Variants in DISC1 observed in about 807,000 individuals in gnomAD.
DISC1 encodes DISC1 scaffold protein, also known as disrupted in schizophrenia 1 protein.
In DISC1, 57 loss-of-function variants were observed where a neutral mutation model predicts 84.5. The observed-to-expected ratio is 0.67, with a 90% confidence interval of 0.55 to 0.84. The LOEUF is 0.84. Ranked by LOEUF, DISC1 falls within the 40% of genes least tolerant of loss-of-function variation. The pLI is 0.00. For synonymous variants in DISC1, 411 were observed against 415.2 expected, an observed-to-expected ratio of 0.99 and a Z score of 0.12; for missense variants, 1,000 against 1,057.8, an observed-to-expected ratio of 0.95 and a Z score of 0.76.
At chr1:232,023,518 A>G (rs1226816964) in intron 11 of DISC1, among the ~76,000 whole-genome samples, 2 of 152,220 alleles carry the variant, frequency 1.3e-5, no homozygotes, top group African/African-American at 4.8e-5. Flanking sequence ...GTCTTAAGAT[A>G]TGAACAATTT....
At chr1:231,746,543 C>T (rs985669322) in intron 3 of DISC1, among the ~76,000 whole-genome samples, 1 of 152,190 alleles carries the variant, frequency 6.6e-6, no homozygotes, top group Non-Finnish European at 1.5e-5. Flanking sequence ...TCCATTGTGG[C>T]TGTACTGGTT....
intron 9 of DISC1, among the ~76,000 whole-genome samples, chr1:231,829,492 G>A (rs1318830899): frequency 6.6e-6 from 1 of 152,018 alleles, no homozygotes; most frequent in Non-Finnish European, 1.5e-5. Flanking sequence ...AGTCTTCCGA[G>A]TAGCTGGAAG....
At chr1:231,852,981 A>G (rs547634172) in intron 9 of DISC1, among the ~76,000 whole-genome samples, 1 of 152,298 alleles carries the variant, frequency 6.6e-6, no homozygotes, top group African/African-American at 2.4e-5. Context: ...TGGGCCCAAT[A>G]TTTGACCTTA....
intron 1 of DISC1, among the ~76,000 whole-genome samples, chr1:231,659,508 C>T (rs939835344): frequency 1.3e-5 from 2 of 151,832 alleles, no homozygotes; most frequent in Non-Finnish European, 2.9e-5. Flanking sequence ...CTGGTTATTT[C>T]TTGTCTTCTA....
At chr1:231,653,705 G>A (rs891179627) in intron 1 of DISC1, among the ~76,000 whole-genome samples, 2 of 152,108 alleles carry the variant, frequency 1.3e-5, no homozygotes, top group Non-Finnish European at 2.9e-5. Context: ...CCAGAGTGAG[G>A]GACCCTAAGT....
intron 9 of DISC1, among the ~76,000 whole-genome samples, chr1:231,868,730 ATATATT>A (rs1417026661): frequency 1.2e-5 from 1 of 84,180 alleles, no homozygotes; most frequent in African/African-American, 4.4e-5. Flanking sequence ...ATATATATAT[ATATATT>A]TAGCTGGGCA....
chr1:231,627,290 C>T (rs2058341660), intron 1 of DISC1, among the ~76,000 whole-genome samples: 1 of 152,160 alleles, frequency 6.6e-6, no homozygotes, highest in Non-Finnish European at 1.5e-5. Flanking sequence ...CGTCCCCGTC[C>T]TGGGACACCT....
chr1:232,030,205 T>C (rs1025478062), intron 12 of DISC1, among the ~76,000 whole-genome samples: 2 of 152,148 alleles, frequency 1.3e-5, no homozygotes, highest in African/African-American at 4.8e-5. Context: ...CTCTAGTGCA[T>C]TTTCACAGTC....
intron 1 of DISC1, among the ~76,000 whole-genome samples, chr1:231,659,550 G>C (rs1260912394): frequency 6.6e-6 from 1 of 151,994 alleles, no homozygotes; most frequent in East Asian, 1.9e-4. Flanking sequence ...TGGTTCTCTA[G>C]TTCTTTAGTT....
Position 231,694,764 on chromosome 1 carries a change from G to C in DISC1, c.1006G>C (p.Val336Leu), listed in dbSNP as rs1416947321. 1.4e-5 allele frequency: 22 copies of C among 1,613,900 alleles called. No homozygotes were observed. The highest frequency in any genetic ancestry group is 1.8e-5 in the Non-Finnish European group (21 of 1,180,058). The change falls in exon 2 of 13, where the codon GTG (valine) becomes CTG (leucine). Residue 336 changes from valine (V) to leucine (L), a missense_variant. By Grantham distance (32) the Val-to-Leu change is conservative (BLOSUM62 1). Around this residue, in one of 3 missense-constraint regions of DISC1, gnomAD observed 311 missense variants for 400.1 expected, o/e 0.78. Coordinates refer to ENST00000439617, the MANE Select transcript of DISC1 (RefSeq NM_018662.3). ...CACCCTGCTCAGGAAATGGGAGCCA[G>C]TGCTGCGGGACTGCCTGCTGAGAAA... ...WDTLLRKWEP[V>L]LRDCLLRNRR...
chr1:232,017,900 C>T (rs1668627481), intron 11 of DISC1, among the ~76,000 whole-genome samples: 1 of 152,208 alleles, frequency 6.6e-6, no homozygotes, highest in African/African-American at 2.4e-5. Context: ...CACATAGCCC[C>T]TCCCTTTAGA....
At chr1:231,734,705 A>T (rs916037655) in intron 3 of DISC1, among the ~76,000 whole-genome samples, 2 of 152,228 alleles carry the variant, frequency 1.3e-5, no homozygotes, top group Admixed American at 6.5e-5. Flanking sequence ...AGCAACAAAT[A>T]TGTATCAAGA....
intron 3 of DISC1, among the ~76,000 whole-genome samples, chr1:231,712,112 TA>T (rs1477335380): frequency 2.6e-5 from 4 of 152,148 alleles, no homozygotes; most frequent in Non-Finnish European, 4.4e-5. Flanking sequence ...AGCTCCAAGC[TA>T]AGGAATTCCA....
At chr1:231,969,456 A>G (rs1661606072) in intron 10 of DISC1, among the ~76,000 whole-genome samples, 1 of 151,698 alleles carries the variant, frequency 6.6e-6, no homozygotes, top group Admixed American at 6.6e-5. Flanking sequence ...GCTGGGGAGG[A>G]TTTCCCATCA....
At chr1:231,714,845 ATGT>A (rs1355319178) in intron 3 of DISC1, among the ~76,000 whole-genome samples, 1 of 152,182 alleles carries the variant, frequency 6.6e-6, no homozygotes, top group Non-Finnish European at 1.5e-5. Flanking sequence ...TTAAGAAATT[ATGT>A]TGTTACTTCC....
At chr1:231,979,502 A>G (rs912864453) in intron 10 of DISC1, among the ~76,000 whole-genome samples, 2 of 151,666 alleles carry the variant, frequency 1.3e-5, no homozygotes, top group African/African-American at 2.4e-5. Context: ...CTCAAAGTTA[A>G]TATTACATGG....
intron 1 of DISC1, among the ~76,000 whole-genome samples, chr1:231,640,457 C>A (rs1236024065): frequency 2.0e-5 from 3 of 149,864 alleles, no homozygotes. Flanking sequence ...AGCAACACAG[C>A]AGTATGCTCT....
At chr1:231,738,336 G>C (rs184280343) in intron 3 of DISC1, among the ~76,000 whole-genome samples, 1 of 152,274 alleles carries the variant, frequency 6.6e-6, no homozygotes, top group Admixed American at 6.5e-5. Flanking sequence ...AACACACATT[G>C]CATGCAGTTG....
chr1:231,902,600 C>CA (rs57938756), intron 9 of DISC1, among the ~76,000 whole-genome samples: 3,939 of 140,370 alleles, frequency 0.028, 117 homozygotes, highest in African/African-American at 0.081. Flanking sequence ...GATTCTGTCT[C>CA]AAAAAAAAAA....
Sources: gnomAD v4.1 joint callset for allele counts (sites outside exome capture counted in the v4.1 genomes callset) on GRCh38, gnomAD v4.1.1 for gene constraint, gnomAD v4.1.1 regional missense constraint, MANE v1.5 for transcripts, NCBI Gene and HGNC (gene_info 2026-07-23, HGNC 2026-07-21) for gene names.